PALD1: variants seen among roughly 807,000 people sequenced by gnomAD.
PALD1 encodes paladin.
In PALD1, 57 loss-of-function variants were observed where a neutral mutation model predicts 96.0. The ratio of observed to expected loss-of-function variants is 0.59; its 90% CI spans 0.48 to 0.74. The LOEUF is 0.74. Ranked by LOEUF, PALD1 falls within the 30% of genes least tolerant of loss-of-function variation. The pLI, the probability that PALD1 is intolerant of heterozygous loss-of-function variation, is 0.00. For synonymous variants in PALD1, 464 were observed against 473.6 expected (o/e 0.98, Z 0.26); for missense variants, 1,063 against 1,143.7 (o/e 0.93, Z 1.02).
At chr10:70,473,694 G>A in the PALD1 span, among the ~76,000 whole-genome samples, 1 of 151,964 alleles carries the variant, frequency 6.6e-6, no homozygotes. Context: ...CACCCAGGCT[G>A]GAGTGCAGTG....
intron 18 of PALD1, among the ~76,000 whole-genome samples, chr10:70,550,223 T>C (rs1387354763): frequency 2.0e-5 from 3 of 152,120 alleles, no homozygotes; most frequent in African/African-American, 7.2e-5. Context: ...TTGGTAGGGG[T>C]GTCTTGGCCA....
intron 10 of PALD1, among the ~76,000 whole-genome samples, chr10:70,536,122 T>C (rs1847110209): frequency 6.6e-6 from 1 of 152,034 alleles, no homozygotes; most frequent in African/African-American, 2.4e-5. Flanking sequence ...ACACAGAAAT[T>C]AGCTGGGTGT....
chr10:70,522,935 G>C (rs1445838687), intron 1 of PALD1, among the ~76,000 whole-genome samples: 1 of 152,244 alleles, frequency 6.6e-6, no homozygotes. Flanking sequence ...GCCCTTCAGT[G>C]TGTGGCCAGC....
rs939716041 is a variant in PALD1, at chr10:70,566,996, C to T, written c.*263C>T. ...CTCACTGGAGTGCTCACAAGGTGCA[C>T]ACTGCTGTGTGTACCTTGCAGACAG... On this transcript the variant is annotated 3_prime_UTR_variant, in exon 20 of 20. Transcript: ENST00000263563. The T allele has an allele frequency of 1.2e-5, 6 of 481,012 alleles. No individual in the cohort carries two copies. The highest frequency in any genetic ancestry group is 9.9e-5 in the African/African-American group (5 of 50,502). The allele number at this position is 481,012 out of a possible 1,614,324, so 29.8% of individuals were successfully genotyped here.
upstream of PALD1, among the ~76,000 whole-genome samples, chr10:70,478,193 G>A (rs750427426): frequency 2.3e-4 from 35 of 152,328 alleles, no homozygotes; most frequent in Non-Finnish European, 4.6e-4. Context: ...ACCCCGGGGC[G>A]TGGGAGAAGC....
At chr10:70,479,837 C>A (rs577808494) in intron 1 of PALD1, among the ~76,000 whole-genome samples, 1 of 152,348 alleles carries the variant, frequency 6.6e-6, no homozygotes, top group South Asian at 2.1e-4. Context: ...CCAGGAAGGG[C>A]ACTGGGCCGT....
chr10:70,517,363 ATGGAGTCTTGCTC>A (rs1846641696), intron 1 of PALD1, among the ~76,000 whole-genome samples: 1 of 141,990 alleles, frequency 7.0e-6, no homozygotes, highest in Middle Eastern at 3.3e-3. Context: ...TTTTTTTGAG[ATGGAGTCTTGCTC>A]TGTCACCCAG....
intron 1 of PALD1, among the ~76,000 whole-genome samples, chr10:70,502,570 G>A (rs1407616853): frequency 6.6e-6 from 1 of 152,168 alleles, no homozygotes; most frequent in Admixed American, 6.5e-5. Context: ...AGTGGTTGAA[G>A]TGGAATGTAT....
At chr10:70,466,877 T>C in the PALD1 span, among the ~76,000 whole-genome samples, 1 of 152,142 alleles carries the variant, frequency 6.6e-6, no homozygotes, top group African/African-American at 2.4e-5. Context: ...GAGAGTCCCC[T>C]GCATGGGCTC....
At chr10:70,474,519 C>A (rs1845799558), upstream of PALD1, among the ~76,000 whole-genome samples, 1 of 152,158 alleles carries the variant, frequency 6.6e-6, no homozygotes, top group South Asian at 2.1e-4. Context: ...CGAGATTGTG[C>A]CACCACCACT....
Position 70,547,297 on chromosome 10 carries a change from T to C in PALD1, c.2122-9T>C, listed in dbSNP as rs67684173. 248,250 of 1,611,782 alleles carry C rather than the reference T, an allele frequency of 0.15. 20,911 individuals carry two copies. The highest frequency in any genetic ancestry group is 0.18 in the South Asian group (16,480 of 91,018). ...TTTATGTCTGCTCACCCCCCTTCTCTGGCCCCAGGTAGTAATGAAGGTGGT... is the reference window on the plus strand; with the variant it reads ...TTTATGTCTGCTCACCCCCCTTCTCCGGCCCCAGGTAGTAATGAAGGTGGT... On this transcript the variant is annotated splice_polypyrimidine_tract_variant and intron_variant, in intron 17 of 19. Coordinates refer to ENST00000263563, the MANE Select transcript of PALD1 (RefSeq NM_014431.3).
At chr10:70,541,424 T>TG in intron 16 of PALD1, 39 bp from the exon 17 acceptor site, 1 of 1,599,610 alleles carries the variant, frequency 6.3e-7, no homozygotes. Context: ...CTCCTGGCGT[T>TG]GGGAGGGGGC....
chr10:70,531,166 G>A, intron 4 of PALD1, 124 bp from the exon 5 acceptor site: 1 of 746,842 alleles, frequency 1.3e-6, no homozygotes, highest in Non-Finnish European at 2.2e-6. Flanking sequence ...GATTCAGGTT[G>A]CAGGGATGGT....
intron 5 of PALD1, 46 bp from the exon 6 acceptor site, chr10:70,532,575 C>G (rs1274977467): frequency 6.3e-7 from 1 of 1,593,816 alleles, no homozygotes; most frequent in Non-Finnish European, 8.6e-7. Context: ...CAGGGAGGGT[C>G]TTGAAGTTCA....
chr10:70,498,811 C>T (rs974739500), intron 1 of PALD1, among the ~76,000 whole-genome samples: 46 of 151,982 alleles, frequency 3.0e-4, no homozygotes, highest in African/African-American at 1.1e-3. Flanking sequence ...GCCTGTAAAC[C>T]CAGCTACTTT....
At chr10:70,531,156 G>T (rs1846980919) in intron 4 of PALD1, 134 bp from the exon 5 acceptor site, 1 of 709,552 alleles carries the variant, frequency 1.4e-6, no homozygotes, top group Non-Finnish European at 2.4e-6. Flanking sequence ...TCTTGGGTAG[G>T]ATTCAGGTTG....
chr10:70,508,843 C>CTGTGTGTGTGTGTGTG (rs61307157), intron 1 of PALD1, among the ~76,000 whole-genome samples: 12,725 of 94,456 alleles, frequency 0.13, 1,471 homozygotes, highest in East Asian at 0.5. Context: ...GCTGCGGAAC[C>CTGTGTGTGTGTGTGTG]TGTGTGTGTG....
chr10:70,535,433 C>T (rs1847090624), intron 10 of PALD1, among the ~76,000 whole-genome samples: 2 of 103,204 alleles, frequency 1.9e-5, no homozygotes, highest in Non-Finnish European at 3.7e-5. Context: ...CCTTCCTCCT[C>T]CCCCCGCTTC....
chr10:70,541,348 C>T, intron 16 of PALD1, 106 bp downstream of exon 16: 5 of 1,514,642 alleles, frequency 3.3e-6, no homozygotes, highest in Non-Finnish European at 4.5e-6. Context: ...GCAGAGACAG[C>T]CGGGTGTGGT....
Sources: allele counts gnomAD v4.1 joint callset (sites outside exome capture counted in the v4.1 genomes callset), GRCh38; gene constraint gnomAD v4.1.1; transcripts MANE v1.5; gene names NCBI Gene and HGNC (gene_info 2026-07-23, HGNC 2026-07-21).